ERC1: variants seen among roughly 807,000 people sequenced by gnomAD.
ERC1 encodes RAB6 interacting protein 2.
In ERC1, 56 loss-of-function variants were observed where a neutral mutation model predicts 132.0. The observed-to-expected ratio is 0.42, with a 90% CI of 0.34 to 0.53. The LOEUF is 0.53. Ranked by LOEUF, ERC1 falls within the 20% of genes least tolerant of loss-of-function variation. ERC1 has a pLI of 0.03. For synonymous variants in ERC1, 478 were observed against 476.1 expected (o/e 1.00, Z -0.05); for missense variants, 1,202 against 1,349.9 (o/e 0.89, Z 1.72).
intron 2 of ERC1, among the ~76,000 whole-genome samples, chr12:1,031,137 C>G (rs1266281823): frequency 6.6e-6 from 1 of 152,138 alleles, no homozygotes; most frequent in Admixed American, 6.5e-5. Flanking sequence ...TATGTTAAAG[C>G]TCCAGACACA....
chr12:1,192,714 G>T (rs117395766), intron 12 of ERC1, among the ~76,000 whole-genome samples: 493 of 152,270 alleles, frequency 3.2e-3, no homozygotes, highest in Non-Finnish European at 5.1e-3. Flanking sequence ...ATTAAGTAAG[G>T]TTACAGTCTT....
At chr12:1,384,970 T>C (rs1401379052) in intron 16 of ERC1, among the ~76,000 whole-genome samples, 3 of 152,212 alleles carry the variant, frequency 2.0e-5, no homozygotes, top group Non-Finnish European at 4.4e-5. Context: ...AGCTGATTCA[T>C]TAGAAATATA....
At chr12:1,204,740 T>C (rs1271236824) in intron 12 of ERC1, among the ~76,000 whole-genome samples, 1 of 151,926 alleles carries the variant, frequency 6.6e-6, no homozygotes, top group African/African-American at 2.4e-5. Context: ...GATGGCCAGG[T>C]TTTGACTGAG....
intron 2 of ERC1, among the ~76,000 whole-genome samples, chr12:1,072,737 G>A (rs1036188644): frequency 5.9e-5 from 9 of 152,108 alleles, no homozygotes; most frequent in African/African-American, 2.2e-4. Context: ...CTGTCACCCT[G>A]GCTGGAGTGC....
At chr12:1,147,202 A>G (rs1950458334) in intron 8 of ERC1, among the ~76,000 whole-genome samples, 1 of 152,134 alleles carries the variant, frequency 6.6e-6, no homozygotes, top group African/African-American at 2.4e-5. Flanking sequence ...ATCTTGTTCC[A>G]GTTCTCAGGG....
chr12:1,431,151 T>C (rs1382055349), intron 17 of ERC1, among the ~76,000 whole-genome samples: 2 of 152,214 alleles, frequency 1.3e-5, no homozygotes, highest in Non-Finnish European at 2.9e-5. Context: ...GATGCGCTGA[T>C]GCCGACTGAG....
At chr12:1,428,440 T>C (rs1276665689) in intron 17 of ERC1, among the ~76,000 whole-genome samples, 3 of 152,224 alleles carry the variant, frequency 2.0e-5, no homozygotes, top group Admixed American at 6.5e-5. Flanking sequence ...GTTCCGTTCA[T>C]GTGTATTAGT....
chr12:1,188,471 A>C lies in ERC1; in HGVS notation c.2158-1388A>C, dbSNP rs114774299. Reference sequence around the variant, plus strand: ...AAAAACTGGGAAACCACGTGAAACAACTGATTTTAGACATTGGACAACATT... The same window carrying C: ...AAAAACTGGGAAACCACGTGAAACACCTGATTTTAGACATTGGACAACATT... On this transcript the variant is annotated intron_variant, in intron 11 of 18. Coordinates refer to ENST00000360905, the MANE Select transcript of ERC1 (RefSeq NM_178040.4). Among the ~76,000 whole-genome samples the C allele has an allele frequency of 1.3e-3, 191 of 152,320 alleles. 1 individual carries two copies. The highest frequency in any genetic ancestry group is 4.5e-3 in the African/African-American group (186 of 41,562).
chr12:1,468,106 T>A lies in ERC1; in HGVS notation c.3214-21987T>A, dbSNP rs1007860069. Among the ~76,000 whole-genome samples the A allele has an allele frequency of 3.3e-5, 5 of 152,166 alleles. No homozygotes were observed. In the East Asian group the frequency reaches 5.8e-4, roughly 18 times the overall value. On this transcript the variant is annotated intron_variant, in intron 18 of 18. Coordinates refer to ENST00000360905, the MANE Select transcript of ERC1 (RefSeq NM_178040.4). ...CAGTATGTGAGAAATCACATCAACC[T>A]TTTACAAGGATTGAGCCTAAATTTG...
At chr12:1,041,486 C>T (rs940454308) in intron 2 of ERC1, among the ~76,000 whole-genome samples, 2 of 152,064 alleles carry the variant, frequency 1.3e-5, no homozygotes, top group East Asian at 1.9e-4. Context: ...GGATTACAGG[C>T]GTGAGCCACC....
intron 18 of ERC1, among the ~76,000 whole-genome samples, chr12:1,455,869 G>T (rs1018660596): frequency 6.6e-6 from 1 of 152,190 alleles, no homozygotes; most frequent in Non-Finnish European, 1.5e-5. Flanking sequence ...GATTTTAAAA[G>T]GCAGTACTGA....
chr12:997,326 G>C (rs1961135763), intron 1 of ERC1, among the ~76,000 whole-genome samples: 1 of 152,174 alleles, frequency 6.6e-6, no homozygotes, highest in Admixed American at 6.5e-5. Context: ...GCTTTTTCAT[G>C]TCGTCTTTGT....
At chr12:1,314,592 G>C (rs941365741) in intron 15 of ERC1, among the ~76,000 whole-genome samples, 10 of 152,136 alleles carry the variant, frequency 6.6e-5, no homozygotes, top group Admixed American at 4.6e-4. Flanking sequence ...CACAATGATT[G>C]ACCCTGGTAA....
chr12:1,076,911 A>AAAATTT (rs1941443529), intron 2 of ERC1, among the ~76,000 whole-genome samples: 2 of 152,256 alleles, frequency 1.3e-5, no homozygotes, highest in African/African-American at 4.8e-5. Flanking sequence ...ATTGCAGATC[A>AAAATTT]GTCTTAGAAG....
intron 13 of ERC1, among the ~76,000 whole-genome samples, chr12:1,247,688 T>C (rs1445513687): frequency 6.6e-6 from 1 of 152,176 alleles, no homozygotes; most frequent in Non-Finnish European, 1.5e-5. Context: ...CGTAAACCCG[T>C]AGTTTAATTA....
chr12:1,460,981 T>TTTTTTTTC (rs61029874), intron 18 of ERC1, among the ~76,000 whole-genome samples: 1 of 137,786 alleles, frequency 7.3e-6, no homozygotes, highest in African/African-American at 2.9e-5. Context: ...TTTTTTTTTT[T>TTTTTTTTC]CATTTTTCTA....
At chr12:1,001,859 T>C (rs924874882) in intron 1 of ERC1, among the ~76,000 whole-genome samples, 13 of 138,050 alleles carry the variant, frequency 9.4e-5, no homozygotes, top group Non-Finnish European at 1.8e-4. Flanking sequence ...AAGTCTTTTT[T>C]TTTTTTTTTT....
At chr12:1,385,265 C>T (rs1042527251) in intron 16 of ERC1, among the ~76,000 whole-genome samples, 7 of 152,122 alleles carry the variant, frequency 4.6e-5, no homozygotes, top group Admixed American at 2.6e-4. Context: ...CAAGTTTCCT[C>T]GCAATTACCT....
intron 18 of ERC1, among the ~76,000 whole-genome samples, chr12:1,479,123 C>T (rs2094034664): frequency 6.6e-6 from 1 of 152,100 alleles, no homozygotes; most frequent in African/African-American, 2.4e-5. Context: ...TCCGTGTTCT[C>T]TTTTCGTCCC....
Sources: allele counts gnomAD v4.1 joint callset (sites outside exome capture counted in the v4.1 genomes callset), GRCh38; gene constraint gnomAD v4.1.1; transcripts MANE v1.5; gene names NCBI Gene and HGNC (gene_info 2026-07-23, HGNC 2026-07-21).